Variants in MCFD2 observed in about 807,000 individuals in gnomAD.
MCFD2 encodes multiple coagulation factor deficiency 2, ER cargo receptor complex subunit.
In MCFD2, 11 loss-of-function variants were observed where a neutral mutation model predicts 12.8. The ratio of observed to expected loss-of-function variants is 0.86; its 90% CI spans 0.54 to 1.42. The LOEUF is 1.42. MCFD2 is among the 40% of genes most tolerant of loss of function. The pLI is 0.00. For synonymous variants in MCFD2, 70 were observed against 68.1 expected (o/e 1.03, Z -0.14); for missense variants, 191 against 178.6 (o/e 1.07, Z -0.40).
At position 46,941,364 on chromosome 2, in the gene MCFD2, G is replaced by GTGC. The variant is rs997844606; in HGVS notation, c.-8+205_-8+207dup. ...CCGGGCGGTGCGCTGGGAGCTGCTGGTGCTGCTGCTGCTGCTGCTGCCCAC... is the reference window on the plus strand; with the variant it reads ...CCGGGCGGTGCGCTGGGAGCTGCTGGTGCTGCTGCTGCTGCTGCTGCTGCCCAC... On this transcript the variant is annotated intron_variant, in intron 1 of 2. Transcript: ENST00000409147. The surrounding 1 kb of genome is among the most constrained non-coding windows in gnomAD (Gnocchi z 4.2). 6.7e-4 allele frequency: 256 copies of GTGC among 384,142 alleles called. 2 individuals carry two copies. The highest frequency in any genetic ancestry group is 2.8e-3 in the African/African-American group (129 of 46,608). The allele number at this position is 384,142 out of a possible 1,614,324, so 23.8% of individuals were successfully genotyped here. A position where few individuals can be genotyped will look rare whatever the true frequency, so the allele number is the denominator to read the frequency against.
In MCFD2 at chr2:46,915,805, C is replaced by CGGGGCGGGG; in HGVS notation, c.-90_-89insCCCCGCCCC. ...TCCCCAAAACGCTCTTCCTCGGCTT[C>CGGGGCGGGG]GCCCCGCCCCCCCCCCCCCCCCGAC... On this transcript the variant is annotated 5_prime_UTR_variant, in exon 1 of 4. Coordinates refer to ENST00000319466, the MANE Select transcript of MCFD2 (RefSeq NM_139279.6). The CGGGGCGGGG allele has an allele frequency of 2.7e-6, 1 of 368,316 alleles. No individual in the cohort carries two copies. The allele number at this position is 368,316 out of a possible 1,614,324, so 22.8% of individuals were successfully genotyped here.
chr2:46,935,225 G>A (rs1669918350), intron 1 of MCFD2, among the ~76,000 whole-genome samples: 1 of 152,072 alleles, frequency 6.6e-6, no homozygotes, highest in African/African-American at 2.4e-5. Context: ...GTGTGTGGAG[G>A]AACAGCTCAT....
chr2:46,923,672 G>A (rs1050653713), intron 1 of MCFD2, among the ~76,000 whole-genome samples: 2 of 152,026 alleles, frequency 1.3e-5, no homozygotes, highest in African/African-American at 2.4e-5. Context: ...CAGGAGAATC[G>A]CTCAAGTCCA....
At chr2:46,912,824 T>A (rs1253941721) in intron 1 of MCFD2, among the ~76,000 whole-genome samples, 3 of 152,210 alleles carry the variant, frequency 2.0e-5, no homozygotes, top group Non-Finnish European at 4.4e-5. Context: ...AAGCTGCTGG[T>A]TCTTAGCCTG....
chr2:46,936,773 T>G (rs1170220143), intron 1 of MCFD2, among the ~76,000 whole-genome samples: 1 of 152,192 alleles, frequency 6.6e-6, no homozygotes, highest in Non-Finnish European at 1.5e-5. Flanking sequence ...CACTTTAGAA[T>G]GCAAAGTGAA....
In MCFD2 at chr2:46,906,676, C is replaced by T. The variant is rs572186256; in HGVS notation, c.310-1082G>A. Among the ~76,000 whole-genome samples, 5 of 151,532 alleles carry T rather than the reference C, an allele frequency of 3.3e-5. No homozygotes were observed. The East Asian group carries it at 5.9e-4, about 18-fold the overall frequency. ...TATGTCCAGCTAATTTTTGTAGAGA[C>T]GGGATATCACCATGCTGCCCAGGTT... On this transcript the variant is annotated intron_variant, in intron 3 of 3. Transcript: ENST00000319466.
chr2:46,905,203 T>C lies in MCFD2; in HGVS notation c.*260A>G. The C allele has an allele frequency of 2.1e-6, 1 of 476,264 alleles. No individual in the cohort carries two copies. The highest frequency in any genetic ancestry group is 3.2e-5 in the Admixed American group (1 of 31,402). 29.5% of individuals were successfully genotyped at this position (476,264 alleles called of 1,614,324 possible). On this transcript the variant is annotated 3_prime_UTR_variant, in exon 4 of 4. Coordinates refer to ENST00000319466, the MANE Select transcript of MCFD2 (RefSeq NM_139279.6). ...CTCGGGTACGTCTTTATCAGCAGCATTAATACAGACTAATACAGATGCTTG... is the reference window on the plus strand; with the variant it reads ...CTCGGGTACGTCTTTATCAGCAGCACTAATACAGACTAATACAGATGCTTG...
rs1225234434 is a variant in MCFD2 at position 46,941,130 on chromosome 2, C to G, written c.-8+442G>C. 6.8e-6 allele frequency: 1 copy of G among 147,616 alleles called. No individual in the cohort carries two copies. The highest frequency in any genetic ancestry group is 1.5e-5 in the Non-Finnish European group (1 of 65,992). The allele number at this position is 147,616 out of a possible 1,614,324, so 9.1% of individuals were successfully genotyped here. On this transcript the variant is annotated intron_variant, in intron 1 of 2. Transcript: ENST00000409147. The surrounding 1 kb of genome is among the most constrained non-coding windows in gnomAD (Gnocchi z 4.2). ...TGGCCGCGCTGGCAGCCAGCGAGCC[C>G]GGCTCGCCGAGGCCTCCCCACGCCC... is the stretch of plus-strand genomic sequence containing the variant.
At chr2:46,909,706 C>A (rs958132394) in intron 1 of MCFD2, among the ~76,000 whole-genome samples, 1 of 152,076 alleles carries the variant, frequency 6.6e-6, no homozygotes, top group African/African-American at 2.4e-5. Context: ...CAGGTGCCCA[C>A]AAGCGGGAAA....
intron 1 of MCFD2, among the ~76,000 whole-genome samples, chr2:46,911,056 T>C (rs1668465871): frequency 6.6e-6 from 1 of 152,156 alleles, no homozygotes; most frequent in Non-Finnish European, 1.5e-5. Context: ...TCCAGGGTGC[T>C]AAAAAGCACC....
At chr2:46,917,146 A>G, upstream of MCFD2, 1 of 699,936 alleles carries the variant, frequency 1.4e-6, no homozygotes, top group Middle Eastern at 3.5e-4. Flanking sequence ...CCCAGAGAAA[A>G]ATCCCATAAT....
chr2:46,929,973 G>T (rs1669605031), intron 1 of MCFD2, among the ~76,000 whole-genome samples: 1 of 152,206 alleles, frequency 6.6e-6, no homozygotes, highest in South Asian at 2.1e-4. Context: ...GCCCCAGAGT[G>T]AAGAAATATG....
chr2:46,937,964 G>A lies in MCFD2; in HGVS notation c.-8+3608C>T, dbSNP rs899293337. 6.6e-6 allele frequency among the ~76,000 whole-genome samples: 1 copy of A among 152,148 alleles called. No individual in the cohort carries two copies. Among genetic ancestry groups the A allele is most frequent in the Non-Finnish European group, 1.5e-5 (1 of 68,036 alleles). On this transcript the variant is annotated intron_variant, in intron 1 of 2. Transcript: ENST00000409147. The surrounding 1 kb of genome is among the most constrained non-coding windows in gnomAD (Gnocchi z 4.0). Reference sequence around the variant, plus strand: ...AGAGAGAAGTCTGATGGAGACTTCAGGGCTAGGTCCTTTACTATCTAGTGG... The same window carrying A: ...AGAGAGAAGTCTGATGGAGACTTCAAGGCTAGGTCCTTTACTATCTAGTGG...
At chr2:46,921,509 A>T (rs970389466) in intron 1 of MCFD2, among the ~76,000 whole-genome samples, 6 of 152,210 alleles carry the variant, frequency 3.9e-5, no homozygotes, top group African/African-American at 1.4e-4. Flanking sequence ...CTTGTGCTCT[A>T]GTCCTGCAAT....
At chr2:46,920,636 C>G (rs145660022), upstream of MCFD2, among the ~76,000 whole-genome samples, 1 of 143,836 alleles carries the variant, frequency 7.0e-6, no homozygotes, top group Non-Finnish European at 1.5e-5. Context: ...TGGCCTTAGT[C>G]TTAGGCTTTT....
Position 46,908,201 on chromosome 2 carries a change from T to G in MCFD2, c.150-232A>C. 1 of 572,630 alleles carries G rather than the reference T, an allele frequency of 1.7e-6. No individual in the cohort carries two copies. The highest frequency in any genetic ancestry group is 3.1e-6 in the Non-Finnish European group (1 of 321,746). 35.5% of individuals were successfully genotyped at this position (572,630 alleles called of 1,614,324 possible). A position where few individuals can be genotyped will look rare whatever the true frequency, so the allele number is the denominator to read the frequency against. On this transcript the variant is annotated intron_variant, in intron 2 of 3. Coordinates refer to ENST00000319466, the MANE Select transcript of MCFD2 (RefSeq NM_139279.6). The surrounding 1 kb of genome is among the most constrained non-coding windows in gnomAD (Gnocchi z 4.5). ...GGCAGGATTAGGGTATTCTTTCCTC[T>G]TTATTATTAGAATTTTGTTATAACA...
rs1214997819 is a variant in MCFD2, at chr2:46,940,716, G to A, written c.-8+856C>T. On this transcript the variant is annotated intron_variant, in intron 1 of 2. Transcript: ENST00000409147. This position sits in a 1 kb window ranked among gnomAD's most constrained non-coding sequence, Gnocchi z 4.7. Reference sequence around the variant, plus strand: ...AGAAAATACAAATGCTCCCAGCAGAGGGGCGTCCAGAGAGTCGCGGGCCTG... The same window carrying A: ...AGAAAATACAAATGCTCCCAGCAGAAGGGCGTCCAGAGAGTCGCGGGCCTG... 6.6e-6 allele frequency among the ~76,000 whole-genome samples: 1 copy of A among 152,250 alleles called. No individual in the cohort carries two copies. Among genetic ancestry groups the A allele is most frequent in the Non-Finnish European group, 1.5e-5 (1 of 68,040 alleles).
rs750192106 is a variant in MCFD2, at chr2:46,909,124, G to A, written c.48C>T (p.Leu16=). ...LLRTPFLCGL[L]WAFCAPGARA... The stretch of plus-strand genomic sequence containing the variant: ...TGGCGCCTGGGGCACAAAAGGCCCA[G>A]AGCAGGCCACACAGGAAGGGGGTTC... The change falls in exon 2 of 4, where the codon CTC becomes CTT. Residue 16 remains leucine (L), a synonymous_variant. Transcript: ENST00000319466. 42 of 1,614,112 alleles carry A rather than the reference G, an allele frequency of 2.6e-5. No individual in the cohort carries two copies. The highest frequency in any genetic ancestry group is 1.9e-5 in the Non-Finnish European group (23 of 1,180,034).
intron 3 of MCFD2, 101 bp from the exon 4 acceptor site, chr2:46,905,695 T>TAAAAA (rs59068176): frequency 2.2e-3 from 1,130 of 507,066 alleles, no homozygotes; most frequent in South Asian, 3.8e-3. Context: ...CACTGTTTAT[T>TAAAAA]AAAAAAAAAA....
Sources: gnomAD v4.1 joint callset for allele counts (sites outside exome capture counted in the v4.1 genomes callset) on GRCh38, gnomAD v4.1.1 for gene constraint, Gnocchi (gnomAD v3.1) non-coding constraint, MANE v1.5 for transcripts, NCBI Gene and HGNC (gene_info 2026-07-23, HGNC 2026-07-21) for gene names.